Variants in MYO16 observed in about 807,000 individuals in gnomAD.
MYO16 encodes the protein unconventional myosin-XVI.
MYO16 carries 94 observed loss-of-function variants against 205.3 expected under a neutral mutation model. The observed-to-expected ratio is 0.46, with a 90% CI of 0.39 to 0.54. The LOEUF is 0.54. Among genes scored for constraint, MYO16 ranks in the 20% least tolerant of loss-of-function variants. MYO16 has a pLI of 0.00. For missense variants in MYO16, 2,315 were observed against 2,387.5 expected (o/e 0.97, Z 0.63); for synonymous variants, 988 against 954.0 (o/e 1.04, Z -0.66).
chr13:109,130,707 T>C (rs999481161), intron 31 of MYO16, among the ~76,000 whole-genome samples: 1 of 152,174 alleles, frequency 6.6e-6, no homozygotes. Flanking sequence ...TCTGTGCCAT[T>C]ATGTCAGGAG....
At chr13:108,547,767 T>C in the MYO16 span, among the ~76,000 whole-genome samples, 1 of 152,228 alleles carries the variant, frequency 6.6e-6, no homozygotes, top group African/African-American at 2.4e-5. Context: ...CACTTAAGAC[T>C]GGATGAGTAG....
At chr13:108,639,506 C>T (rs920870248) in intron 1 of MYO16, among the ~76,000 whole-genome samples, 1 of 152,190 alleles carries the variant, frequency 6.6e-6, no homozygotes, top group East Asian at 1.9e-4. Flanking sequence ...TTCAAACCTG[C>T]ACTGTCCAGA....
chr13:108,814,470 T>C (rs410780), intron 7 of MYO16, among the ~76,000 whole-genome samples: 3,691 of 152,126 alleles, frequency 0.024, 143 homozygotes, highest in African/African-American at 0.081. Context: ...TGACATATGA[T>C]ATAAAAGCAA....
chr13:108,631,458 G>A (rs11838693), intron 1 of MYO16, among the ~76,000 whole-genome samples: 5,666 of 152,264 alleles, frequency 0.037, 346 homozygotes, highest in African/African-American at 0.13. Flanking sequence ...CAGAAAATTG[G>A]TGATGTCAAT....
chr13:108,692,036 T>A (rs1424276187), intron 2 of MYO16, among the ~76,000 whole-genome samples: 1 of 152,176 alleles, frequency 6.6e-6, no homozygotes, highest in Non-Finnish European at 1.5e-5. Flanking sequence ...TCACTTCCAA[T>A]AACAATATTT....
At chr13:108,681,064 T>C (rs765146670) in intron 2 of MYO16, among the ~76,000 whole-genome samples, 7 of 152,340 alleles carry the variant, frequency 4.6e-5, no homozygotes, top group Non-Finnish European at 8.8e-5. Context: ...TCCTCTTGCA[T>C]TTTTAATCAA....
intron 28 of MYO16, among the ~76,000 whole-genome samples, chr13:109,111,147 C>A (rs146401624): frequency 6.6e-6 from 1 of 152,244 alleles, no homozygotes; most frequent in Non-Finnish European, 1.5e-5. Flanking sequence ...TAGGTAAAGG[C>A]CTTTTCATGG....
intron 23 of MYO16, among the ~76,000 whole-genome samples, chr13:109,022,755 C>T (rs562676537): frequency 7.9e-6 from 1 of 127,004 alleles, no homozygotes; most frequent in East Asian, 2.2e-4. Flanking sequence ...TGCATATAAA[C>T]ACATGTATAT....
At chr13:109,032,194 TC>T (rs1421788965) in intron 23 of MYO16, among the ~76,000 whole-genome samples, 3 of 152,114 alleles carry the variant, frequency 2.0e-5, no homozygotes, top group African/African-American at 7.2e-5. Flanking sequence ...TCTACTGGAC[TC>T]CATGATTTCC....
chr13:109,194,028 G>C (rs531300893), intron 34 of MYO16, among the ~76,000 whole-genome samples: 1 of 152,264 alleles, frequency 6.6e-6, no homozygotes, highest in South Asian at 2.1e-4. Flanking sequence ...TATTCCAACA[G>C]CAGTAATGAC....
At chr13:108,625,496 G>A (rs972881886), upstream of MYO16, among the ~76,000 whole-genome samples, 1 of 152,166 alleles carries the variant, frequency 6.6e-6, no homozygotes, top group Non-Finnish European at 1.5e-5. Flanking sequence ...AGGACCCTAA[G>A]TTATTAGACC....
At chr13:108,546,427 T>A in the MYO16 span, among the ~76,000 whole-genome samples, 1 of 152,160 alleles carries the variant, frequency 6.6e-6, no homozygotes, top group Non-Finnish European at 1.5e-5. Flanking sequence ...TTAAAGTGTG[T>A]AATGTGGCAA....
chr13:109,135,266 G>T (rs1003164962), intron 31 of MYO16, among the ~76,000 whole-genome samples: 3 of 152,180 alleles, frequency 2.0e-5, no homozygotes, highest in South Asian at 2.1e-4. Context: ...GATGCATGTT[G>T]CTTATGCCTT....
intron 32 of MYO16, among the ~76,000 whole-genome samples, chr13:109,145,184 C>T (rs1044930229): frequency 2.6e-5 from 4 of 152,136 alleles, no homozygotes; most frequent in African/African-American, 9.7e-5. Flanking sequence ...CACTATAAGG[C>T]ATCTTCTCCA....
chr13:108,695,566 A>AT (rs936362794), intron 2 of MYO16, among the ~76,000 whole-genome samples: 30 of 151,786 alleles, frequency 2.0e-4, no homozygotes, highest in Non-Finnish European at 4.1e-4. Flanking sequence ...AAAAAAAAAA[A>AT]GTTTTGGGGA....
At chr13:109,145,219 A>T (rs906013228) in intron 32 of MYO16, among the ~76,000 whole-genome samples, 10 of 152,170 alleles carry the variant, frequency 6.6e-5, no homozygotes, top group Non-Finnish European at 1.3e-4. Context: ...ACAGGTGGAA[A>T]AACTGGGGCA....
intron 27 of MYO16, among the ~76,000 whole-genome samples, chr13:109,063,679 C>T (rs2139632108): frequency 6.6e-6 from 1 of 152,256 alleles, no homozygotes; most frequent in East Asian, 1.9e-4. Flanking sequence ...GCAGCCCACC[C>T]CAACTAAAAC....
At position 108,757,294 on chromosome 13, in the gene MYO16, C is replaced by A. The variant is rs988782110; in HGVS notation, c.508-28341C>A. Among the ~76,000 whole-genome samples, 3 of 152,026 alleles carry A rather than the reference C, an allele frequency of 2.0e-5. No individual in the cohort carries two copies. In the East Asian group the frequency reaches 5.8e-4, roughly 29 times the overall value. ...TGTGATGAATTCACCATGAGAGGAG[C>A]GCTTTGAAGTTTTGATCTTTGAGTT... is the stretch of plus-strand genomic sequence containing the variant. On this transcript the variant is annotated intron_variant, in intron 4 of 34. Coordinates refer to ENST00000457511, the MANE Select transcript of MYO16 (RefSeq NM_001198950.3).
chr13:108,615,659 A>G (rs1879325385), intron 1 of MYO16, among the ~76,000 whole-genome samples: 1 of 152,170 alleles, frequency 6.6e-6, no homozygotes, highest in Non-Finnish European at 1.5e-5. Flanking sequence ...TCAGATATAT[A>G]AACCATGAAA....
Sources: gnomAD v4.1 joint callset for allele counts (sites outside exome capture counted in the v4.1 genomes callset) on GRCh38, gnomAD v4.1.1 for gene constraint, MANE v1.5 for transcripts, NCBI Gene and HGNC (gene_info 2026-07-23, HGNC 2026-07-21) for gene names.